The following ACAA1 variants were observed in gnomAD, a reference collection of about 807,000 sequenced individuals.
ACAA1 encodes 3-ketoacyl-CoA thiolase, peroxisomal.
In ACAA1, 44 loss-of-function variants were observed where a neutral mutation model predicts 48.8. The ratio of observed to expected loss-of-function variants is 0.90; its 90% CI spans 0.71 to 1.16. The LOEUF is 1.16. ACAA1 is among the 50% of genes most tolerant of loss of function. The probability of loss-of-function intolerance (pLI) is 0.00; values close to 1 mark genes in which losing one functional copy is unlikely to be tolerated. For synonymous variants in ACAA1, 233 were observed against 226.5 expected (o/e 1.03, Z -0.26); for missense variants, 512 against 562.3 (o/e 0.91, Z 0.90).
At chr3:38,125,914 C>T (rs1434966558) in intron 9 of ACAA1, 33 bp from the exon 10 acceptor site, 3 of 1,613,916 alleles carry the variant, frequency 1.9e-6, no homozygotes, top group Non-Finnish European at 2.5e-6. Context: ...AGCTGACACA[C>T]TGGCCCTCTG....
chr3:38,134,190 T>C, intron 2 of ACAA1, 181 bp from the exon 3 acceptor site: 1 of 619,064 alleles, frequency 1.6e-6, no homozygotes, highest in Non-Finnish European at 2.9e-6. Flanking sequence ...TACAACAGCT[T>C]GTCCTGGTCA....
At chr3:38,128,329 C>A (rs1301649853) in intron 6 of ACAA1, among the ~76,000 whole-genome samples, 2 of 152,206 alleles carry the variant, frequency 1.3e-5, no homozygotes, top group African/African-American at 4.8e-5. Flanking sequence ...CTGGAAAGGC[C>A]AAACCTAAGC....
At position 38,132,433 on chromosome 3, in the gene ACAA1, A is replaced by G. The variant is rs199416; in HGVS notation, c.324-428T>C. On this transcript the variant is annotated intron_variant, in intron 3 of 11. Transcript: ENST00000333167. The stretch of plus-strand genomic sequence containing the variant: ...GAGCACCAGAGCAAAAGAAATGCCT[A>G]AAGTCTGAGGCCAGGGACCACTCGG... The G allele has an allele frequency of 4.5e-4, 72 of 161,152 alleles. 1 individual carries two copies. Among genetic ancestry groups the G allele is most frequent in the African/African-American group, 1.7e-3 (71 of 41,780 alleles). 10.0% of individuals were successfully genotyped at this position (161,152 alleles called of 1,614,324 possible). A position where few individuals can be genotyped will look rare whatever the true frequency, so the allele number is the denominator to read the frequency against.
chr3:38,126,731 C>A lies in ACAA1; in HGVS notation c.627-31G>T. The A allele has an allele frequency of 6.2e-7, 1 of 1,611,962 alleles. No individual in the cohort carries two copies. Among genetic ancestry groups the A allele is most frequent in the South Asian group, 1.1e-5 (1 of 90,992 alleles). On this transcript the variant is annotated intron_variant, in intron 7 of 11. Transcript: ENST00000333167. This position sits in a 1 kb window ranked among gnomAD's most constrained non-coding sequence, Gnocchi z 4.7. ...AGCACCATGGACAGCCAGCTTCAGA[C>A]TCCCTTGGGGTTCCCTTCCTCCCTG...
rs193131166 is a variant in ACAA1 at position 38,124,700 on chromosome 3, C to T, written c.1199+865G>A. 14 of 152,322 alleles carry T rather than the reference C, an allele frequency of 9.2e-5. No homozygotes were observed. The East Asian group carries it at 2.5e-3, about 27-fold the overall frequency. 9.4% of individuals were successfully genotyped at this position (152,322 alleles called of 1,614,324 possible). A position where few individuals can be genotyped will look rare whatever the true frequency, so the allele number is the denominator to read the frequency against. The stretch of plus-strand genomic sequence containing the variant: ...TTTATCTTTCACAAACGCAGGTGCA[C>T]AAATAGCACACCTCTTTTACTGAGG... On this transcript the variant is annotated intron_variant, in intron 11 of 11. Transcript: ENST00000333167.
intron 3 of ACAA1, 36 bp downstream of exon 3, chr3:38,133,916 A>G (rs1165068300): frequency 6.2e-7 from 1 of 1,612,720 alleles, no homozygotes; most frequent in Non-Finnish European, 8.5e-7. Flanking sequence ...AAAGTGTCAA[A>G]ATGGCCAACC....
chr3:38,135,065 TG>T (rs1700863640), intron 2 of ACAA1: 1 of 152,406 alleles, frequency 6.6e-6, no homozygotes, highest in Non-Finnish European at 1.5e-5. Flanking sequence ...AATACTGCTC[TG>T]TTACTCTTTG....
chr3:38,128,170 G>T (rs927511772), intron 6 of ACAA1, among the ~76,000 whole-genome samples: 5 of 152,154 alleles, frequency 3.3e-5, no homozygotes, highest in African/African-American at 9.6e-5. Flanking sequence ...AAAGGAGTTT[G>T]TTCCCTGGGT....
chr3:38,130,220 T>C (rs1700759378), intron 5 of ACAA1, among the ~76,000 whole-genome samples: 1 of 152,200 alleles, frequency 6.6e-6, no homozygotes, highest in African/African-American at 2.4e-5. Flanking sequence ...TGATAACAGA[T>C]AACCTTGACT....
Position 38,134,002 on chromosome 3 carries a change from C to A in ACAA1, c.273G>T (p.Val91=), listed in dbSNP as rs377126544. ...TGATTGCCCCGGCCCCAGGCTGCAG[C>A]ACATTTCCTGTGGACAACAAACTTT... is the stretch of plus-strand genomic sequence containing the variant. ...EQLGDICVGN[V]LQPGAGAIMA... The change falls in exon 3 of 12, where the codon GTG becomes GTT. Residue 91 remains valine (V), a synonymous_variant. Transcript: ENST00000333167. 8 of 1,613,520 alleles carry A rather than the reference C, an allele frequency of 5.0e-6. No individual in the cohort carries two copies. The African/African-American group carries it at 1.1e-4, about 22-fold the overall frequency.
chr3:38,133,798 G>C (rs1166522630), intron 3 of ACAA1, 154 bp downstream of exon 3: 5 of 706,590 alleles, frequency 7.1e-6, no homozygotes, highest in South Asian at 6.6e-5. Context: ...GTAGGGGAGA[G>C]GTTGAGTCCA....
Position 38,131,865 on chromosome 3 carries a change from C to A in ACAA1, c.403+61G>T, listed in dbSNP as rs1014755952. 7 of 1,496,600 alleles carry A rather than the reference C, an allele frequency of 4.7e-6. No individual in the cohort carries two copies. In the East Asian group the frequency reaches 1.4e-4, roughly 29 times the overall value. The allele number at this position is 1,496,600 out of a possible 1,614,324, so 92.7% of individuals were successfully genotyped here. ...TAATTATTGCTTGCCCGGCAGACAG[C>A]GACTTTGCTGACCCAAACCCACAGG... is the stretch of plus-strand genomic sequence containing the variant. On this transcript the variant is annotated intron_variant, in intron 4 of 11. Transcript: ENST00000333167.
chr3:38,124,973 C>A (rs902645289), intron 11 of ACAA1: 2 of 152,174 alleles, frequency 1.3e-5, no homozygotes, highest in Non-Finnish European at 2.9e-5. Context: ...CTGCAAACAC[C>A]GTCACAGACA....
At chr3:38,136,405 A>C (rs915572951) in intron 2 of ACAA1, among the ~76,000 whole-genome samples, 187 bp downstream of exon 2, 1 of 152,080 alleles carries the variant, frequency 6.6e-6, no homozygotes, top group African/African-American at 2.4e-5. Flanking sequence ...TCTGCGTCTT[A>C]TTTCTTTTCT....
In ACAA1 at chr3:38,122,944, A is replaced by C; in HGVS notation, c.*103T>G. On this transcript the variant is annotated 3_prime_UTR_variant, in exon 12 of 12. Coordinates refer to ENST00000333167, the MANE Select transcript of ACAA1 (RefSeq NM_001607.4). ...CCTTGATCTGTCCACTGCCACCACC[A>C]CCAGTGCTGAGTTTTCCCATGTGGT... 1 of 1,182,240 alleles carries C rather than the reference A, an allele frequency of 8.5e-7. No homozygotes were observed. Among genetic ancestry groups the C allele is most frequent in the South Asian group, 1.3e-5 (1 of 79,410 alleles). The allele number at this position is 1,182,240 out of a possible 1,614,324, so 73.2% of individuals were successfully genotyped here. A position where few individuals can be genotyped will look rare whatever the true frequency, so the allele number is the denominator to read the frequency against.
chr3:38,123,856 C>T (rs1027312107), intron 11 of ACAA1: 1 of 151,914 alleles, frequency 6.6e-6, no homozygotes, highest in Non-Finnish European at 1.5e-5. Context: ...CAAAAATTAG[C>T]TGGGTGTGGT....
chr3:38,135,401 CCT>C (rs1388653587), intron 2 of ACAA1: 1 of 152,082 alleles, frequency 6.6e-6, no homozygotes, highest in Non-Finnish European at 1.5e-5. Context: ...CTCTGAGTTC[CCT>C]CAGTATTTAT....
At chr3:38,125,259 A>AT (rs1700650762) in intron 11 of ACAA1, 2 of 254,690 alleles carry the variant, frequency 7.9e-6, no homozygotes, top group African/African-American at 4.4e-5. Flanking sequence ...TGAGATTGTG[A>AT]TTTTTGGGAT....
At chr3:38,133,871 C>T (rs1399912382) in intron 3 of ACAA1, 81 bp downstream of exon 3, 1 of 1,472,814 alleles carries the variant, frequency 6.8e-7, no homozygotes. Context: ...TCCTCCCCAA[C>T]CTGCACACTG....
Sources: gnomAD v4.1 joint callset for allele counts (sites outside exome capture counted in the v4.1 genomes callset) on GRCh38, gnomAD v4.1.1 for gene constraint, Gnocchi (gnomAD v3.1) non-coding constraint, MANE v1.5 for transcripts, NCBI Gene and HGNC (gene_info 2026-07-23, HGNC 2026-07-21) for gene names.